The following EVL variants were observed in gnomAD, a reference collection of about 807,000 sequenced individuals.
The protein encoded by EVL is Enah/Vasp-like, also known as ena/VASP-like protein.
EVL carries 21 observed loss-of-function variants against 59.6 expected under a neutral mutation model. The observed-to-expected ratio is 0.35, with a 90% CI of 0.25 to 0.51. The LOEUF (loss-of-function observed/expected upper bound fraction) is 0.51, where lower values mean the gene tolerates loss of function less well. Ranked by LOEUF, EVL falls within the 20% of genes least tolerant of loss-of-function variation. The pLI is 0.97. For missense variants in EVL, 462 were observed against 546.6 expected, an observed-to-expected ratio of 0.85 and a Z score of 1.54; for synonymous variants, 198 against 203.5, an observed-to-expected ratio of 0.97 and a Z score of 0.23.
chr14:100,020,785 C>G (rs1403860224), intron 1 of EVL, among the ~76,000 whole-genome samples: 3 of 152,356 alleles, frequency 2.0e-5, no homozygotes, highest in Admixed American at 2.0e-4. Context: ...AGGTCGTCCC[C>G]TGCCCTTTTC....
chr14:100,084,122 G>T (rs1309035079), intron 1 of EVL, among the ~76,000 whole-genome samples: 8 of 147,928 alleles, frequency 5.4e-5, no homozygotes, highest in African/African-American at 2.0e-4. Context: ...TGCAATCTTG[G>T]CTCACTGCAA....
chr14:100,029,226 G>A (rs1018272131), intron 1 of EVL, among the ~76,000 whole-genome samples: 2 of 152,220 alleles, frequency 1.3e-5, no homozygotes. Flanking sequence ...GGGCTTCCCA[G>A]AGGAGTGAGT....
chr14:100,116,427 A>G (rs1202353531), intron 3 of EVL, among the ~76,000 whole-genome samples: 8 of 152,174 alleles, frequency 5.3e-5, no homozygotes, highest in African/African-American at 9.7e-5. Flanking sequence ...CAGGAGCCCC[A>G]GGGAGACTTC....
At chr14:100,077,896 C>T (rs968598411) in intron 1 of EVL, among the ~76,000 whole-genome samples, 7 of 152,126 alleles carry the variant, frequency 4.6e-5, no homozygotes, top group Non-Finnish European at 8.8e-5. Flanking sequence ...CCTCAGCCTC[C>T]GGAGTAGCTG....
chr14:100,015,783 A>G (rs570006790), intron 1 of EVL, among the ~76,000 whole-genome samples: 42 of 152,336 alleles, frequency 2.8e-4, no homozygotes, highest in African/African-American at 9.4e-4. Context: ...AAATAAGACA[A>G]TTATTGGCTG....
rs34876558 is a variant in EVL at position 100,130,832 on chromosome 14, G to A, written c.839+1148G>A. Among the ~76,000 whole-genome samples, 951 of 152,320 alleles carry A rather than the reference G, an allele frequency of 6.2e-3. 14 individuals are homozygous for A. Among genetic ancestry groups the A allele is most frequent in the Non-Finnish European group, 5.0e-3 (339 of 68,038 alleles). Reference sequence around the variant, plus strand: ...GTGGATCCGCAGCACGGGCGTCTCCGGAGCCTCTACTGGGCCTGGGCGTTT... The same window carrying A: ...GTGGATCCGCAGCACGGGCGTCTCCAGAGCCTCTACTGGGCCTGGGCGTTT... On this transcript the variant is annotated intron_variant, in intron 7 of 13. Coordinates refer to ENST00000392920, the MANE Select transcript of EVL (RefSeq NM_016337.3). This position sits in a 1 kb window ranked among gnomAD's most constrained non-coding sequence, Gnocchi z 4.8.
chr14:100,089,529 C>G (rs932767254), intron 2 of EVL, among the ~76,000 whole-genome samples: 2 of 152,174 alleles, frequency 1.3e-5, no homozygotes, highest in Non-Finnish European at 2.9e-5. Context: ...CTGGATGAAC[C>G]ATGAGACAGA....
chr14:100,000,060 AG>A (rs2060936176), intron 1 of EVL, among the ~76,000 whole-genome samples: 1 of 152,228 alleles, frequency 6.6e-6, no homozygotes, highest in South Asian at 2.1e-4. Context: ...GGAATGGAAT[AG>A]GAAGTGTGAA....
chr14:99,982,046 T>G (rs1159599696), intron 1 of EVL, among the ~76,000 whole-genome samples: 1 of 152,100 alleles, frequency 6.6e-6, no homozygotes, highest in Non-Finnish European at 1.5e-5. Context: ...GCCGGTCCCT[T>G]CATGAAACAG....
chr14:99,982,018 G>T (rs1460842631), intron 1 of EVL, among the ~76,000 whole-genome samples: 1 of 152,196 alleles, frequency 6.6e-6, no homozygotes, highest in Non-Finnish European at 1.5e-5. Flanking sequence ...TGATGTCGGG[G>T]TGAGGGTGAG....
chr14:99,976,630 G>C (rs1191701441), intron 1 of EVL, among the ~76,000 whole-genome samples: 1 of 152,078 alleles, frequency 6.6e-6, no homozygotes, highest in Non-Finnish European at 1.5e-5. Flanking sequence ...TTCTTCCAGA[G>C]ATAATTAATA....
At chr14:100,085,330 G>A (rs1162480987) in intron 2 of EVL, among the ~76,000 whole-genome samples, 1 of 152,152 alleles carries the variant, frequency 6.6e-6, no homozygotes, top group Non-Finnish European at 1.5e-5. Flanking sequence ...GATAGTTTGT[G>A]AGTGTACCTG....
rs182963090 is a variant in EVL, at chr14:100,053,510, G to T, written c.6-31177G>T. On this transcript the variant is annotated intron_variant, in intron 1 of 13. Transcript: ENST00000402714. ...TTCTTCATAGAGTAACACCCTATAC[G>T]TATACAAAAGTTGTTGTGTCTGGAA... Among the ~76,000 whole-genome samples, 143 of 151,918 alleles carry T rather than the reference G, an allele frequency of 9.4e-4. 1 individual carries two copies. Among genetic ancestry groups the T allele is most frequent in the African/African-American group, 3.3e-3 (137 of 41,438 alleles).
At position 100,109,429 on chromosome 14, in the gene EVL, T is replaced by G. The variant is rs1018251166; in HGVS notation, c.358+11771T>G. 3 of 371,382 alleles carry G rather than the reference T, an allele frequency of 8.1e-6. No homozygotes were observed. The highest frequency in any genetic ancestry group is 1.6e-5 in the Non-Finnish European group (3 of 186,372). The allele number at this position is 371,382 out of a possible 1,614,324, so 23.0% of individuals were successfully genotyped here. A position where few individuals can be genotyped will look rare whatever the true frequency, so the allele number is the denominator to read the frequency against. On this transcript the variant is annotated intron_variant, in intron 3 of 13. Transcript: ENST00000392920. The surrounding 1 kb of genome is among the most constrained non-coding windows in gnomAD (Gnocchi z 4.3). ...GTCCCATTTGTTTGGACCCTGGGTT[T>G]GTTTGTCTAGACTGTGAGCTCCTCG...
chr14:100,038,560 C>T (rs551816715), intron 1 of EVL, among the ~76,000 whole-genome samples: 3 of 152,254 alleles, frequency 2.0e-5, no homozygotes, highest in African/African-American at 4.8e-5. Context: ...TTGCATTTCA[C>T]TTGTCCCTTT....
intron 1 of EVL, among the ~76,000 whole-genome samples, chr14:99,977,690 C>T (rs1191024): frequency 0.11 from 17,189 of 151,964 alleles, 1,118 homozygotes; most frequent in East Asian, 0.29. Flanking sequence ...CACCTCGGCC[C>T]CCCAAAGTGC....
chr14:100,046,753 CTTTTT>C (rs759300292), intron 1 of EVL, among the ~76,000 whole-genome samples: 1 of 132,566 alleles, frequency 7.5e-6, no homozygotes, highest in Non-Finnish European at 1.6e-5. Flanking sequence ...CTTTTTCTTT[CTTTTT>C]TTTTTTTTTT....
At chr14:100,124,057 G>A (rs1887872047) in intron 4 of EVL, among the ~76,000 whole-genome samples, 1 of 152,234 alleles carries the variant, frequency 6.6e-6, no homozygotes. Context: ...CCACAGTGGG[G>A]AAGAGGAAGG....
chr14:100,086,651 A>G (rs145266003), intron 2 of EVL, among the ~76,000 whole-genome samples: 3 of 152,304 alleles, frequency 2.0e-5, no homozygotes, highest in African/African-American at 4.8e-5. Context: ...AGGAAACCAC[A>G]TGTTGAGAAA....
Sources: gnomAD v4.1 joint callset for allele counts (sites outside exome capture counted in the v4.1 genomes callset) on GRCh38, gnomAD v4.1.1 for gene constraint, Gnocchi (gnomAD v3.1) non-coding constraint, MANE v1.5 for transcripts, NCBI Gene and HGNC (gene_info 2026-07-23, HGNC 2026-07-21) for gene names.